The following PRKCB variants were observed in gnomAD, a reference collection of about 807,000 sequenced individuals.
PRKCB encodes the protein protein kinase C beta type.
PRKCB carries 13 observed loss-of-function variants against 81.5 expected under a neutral mutation model. The observed-to-expected ratio is 0.16, with a 90% CI of 0.10 to 0.25. The LOEUF (loss-of-function observed/expected upper bound fraction) is 0.25, where lower values mean the gene tolerates loss of function less well. Among genes scored for constraint, PRKCB ranks in the 10% least tolerant of loss-of-function variants. The pLI is 1.00. For missense variants in PRKCB, 509 were observed against 875.7 expected (o/e 0.58, Z 5.29); for synonymous variants, 335 against 321.4 (o/e 1.04, Z -0.45).
intron 2 of PRKCB, among the ~76,000 whole-genome samples, chr16:23,896,564 T>C (rs1963382642): frequency 1.3e-5 from 2 of 152,154 alleles, no homozygotes; most frequent in African/African-American, 4.8e-5. Context: ...TGTGAGTATC[T>C]ATTTAGCAAG....
rs1307973027 is a variant in PRKCB at position 24,181,056 on chromosome 16, T to C, written c.1533+128T>C. The C allele has an allele frequency of 9.1e-6, 11 of 1,208,712 alleles. No homozygotes were observed. In the East Asian group the frequency reaches 2.7e-4, roughly 30 times the overall value. 74.9% of individuals were successfully genotyped at this position (1,208,712 alleles called of 1,614,324 possible). On this transcript the variant is annotated intron_variant, in intron 13 of 16. Transcript: ENST00000643927. ...GAACCTCGGACAGATTCTTATTCTA[T>C]ACTCTAAATCCTCCCTTTGAGATCA...
At chr16:24,036,478 G>T (rs975046203) in intron 5 of PRKCB, among the ~76,000 whole-genome samples, 5 of 152,108 alleles carry the variant, frequency 3.3e-5, no homozygotes, top group African/African-American at 1.2e-4. Flanking sequence ...TTATGAGTTG[G>T]TAACTCAGGA....
chr16:23,876,630 A>G (rs1963018440), intron 2 of PRKCB, among the ~76,000 whole-genome samples: 2 of 151,546 alleles, frequency 1.3e-5, no homozygotes, highest in Non-Finnish European at 2.9e-5. Flanking sequence ...CTCTTTCTCC[A>G]GGATTCTTCT....
At chr16:24,086,724 C>T (rs576221948) in intron 5 of PRKCB, among the ~76,000 whole-genome samples, 65 of 152,286 alleles carry the variant, frequency 4.3e-4, no homozygotes, top group Non-Finnish European at 7.4e-4. Flanking sequence ...AAGCTAAAAT[C>T]TTTATTCACA....
chr16:24,138,695 T>A (rs894547277), intron 9 of PRKCB, among the ~76,000 whole-genome samples: 1 of 152,128 alleles, frequency 6.6e-6, no homozygotes, highest in Admixed American at 6.6e-5. Flanking sequence ...TTGCTAGTAC[T>A]TATTTATCTT....
intron 3 of PRKCB, among the ~76,000 whole-genome samples, chr16:24,021,042 C>CTTTCTTTCTT (rs1965367056): frequency 2.7e-5 from 2 of 74,342 alleles, no homozygotes; most frequent in African/African-American, 1.3e-4. Flanking sequence ...CTTTCTTTCT[C>CTTTCTTTCTT]TTTCTTTCTT....
chr16:24,202,862 TCTC>T (rs1401951578), intron 16 of PRKCB, among the ~76,000 whole-genome samples: 1 of 150,460 alleles, frequency 6.6e-6, no homozygotes, highest in African/African-American at 2.5e-5. Context: ...AAGCCCCTCT[TCTC>T]CTTCATTTTT....
At chr16:23,884,746 G>T (rs1454171775) in intron 2 of PRKCB, among the ~76,000 whole-genome samples, 2 of 152,050 alleles carry the variant, frequency 1.3e-5, no homozygotes, top group African/African-American at 4.8e-5. Context: ...TCACTGTGTT[G>T]CCCAGACTGG....
At chr16:23,911,105 A>G (rs1963643869) in intron 2 of PRKCB, among the ~76,000 whole-genome samples, 1 of 133,960 alleles carries the variant, frequency 7.5e-6, no homozygotes, top group South Asian at 2.3e-4. Flanking sequence ...TGGCTGTTAT[A>G]AATAGCCATA....
rs904439683 is a variant in PRKCB at position 24,042,094 on chromosome 16, G to T, written c.529+6547G>T. On this transcript the variant is annotated intron_variant, in intron 5 of 16. Transcript: ENST00000643927. ...TTTAACTTTTATTTGAACTTTGGTG[G>T]GGGGGTACGTGTGCAGGTTTGTTAT... Among the ~76,000 whole-genome samples, 7 of 152,130 alleles carry T rather than the reference G, an allele frequency of 4.6e-5. 1 individual carries two copies. The highest frequency in any genetic ancestry group is 1.3e-4 in the Admixed American group (2 of 15,268).
intron 10 of PRKCB, among the ~76,000 whole-genome samples, chr16:24,170,835 G>A (rs1017676859): frequency 2.0e-5 from 3 of 152,224 alleles, no homozygotes; most frequent in Non-Finnish European, 1.5e-5. Context: ...CCTGCTATGT[G>A]CTAGTTGTGC....
At chr16:24,084,490 A>G (rs965561840) in intron 5 of PRKCB, among the ~76,000 whole-genome samples, 2 of 152,176 alleles carry the variant, frequency 1.3e-5, no homozygotes, top group Non-Finnish European at 2.9e-5. Flanking sequence ...GCGGTTAAGA[A>G]AATGGATATA....
rs1225086183 is a variant in PRKCB, at chr16:23,981,671, T to TCTTCCCCTTCC, written c.206-6835_206-6825dup. Among the ~76,000 whole-genome samples the TCTTCCCCTTCC allele has an allele frequency of 9.7e-3, 840 of 86,690 alleles. 38 individuals are homozygous for TCTTCCCCTTCC. The highest frequency in any genetic ancestry group is 0.022 in the African/African-American group (416 of 19,190). The allele number at this position is 86,690 out of a possible 152,430, so 56.9% of individuals were successfully genotyped here. A position where few individuals can be genotyped will look rare whatever the true frequency, so the allele number is the denominator to read the frequency against. On this transcript the variant is annotated intron_variant, in intron 2 of 16. Transcript: ENST00000643927. Reference sequence around the variant, plus strand: ...TCCTTCCCTTCCTTTTTTCCCTTTCTCTTCCCCTTCCCCTTCCCTTCCCCT... The same window carrying TCTTCCCCTTCC: ...TCCTTCCCTTCCTTTTTTCCCTTTCTCTTCCCCTTCCCTTCCCCTTCCCCTTCCCTTCCCCT...
intron 2 of PRKCB, among the ~76,000 whole-genome samples, chr16:23,865,466 CATATATATATATATATATATATATAT>C (rs375074228): frequency 0.044 from 1,591 of 36,008 alleles, 68 homozygotes; most frequent in East Asian, 0.076. Context: ...CAATGCCCGG[CATATATATATATATATATATATATAT>C]ATATATATAT....
chr16:24,114,842 A>G (rs982549308), intron 8 of PRKCB, among the ~76,000 whole-genome samples: 1 of 151,332 alleles, frequency 6.6e-6, no homozygotes, highest in African/African-American at 2.5e-5. Context: ...TCATCAAATA[A>G]TGACACACAC....
chr16:23,918,178 A>G (rs556536847), intron 2 of PRKCB, among the ~76,000 whole-genome samples: 1 of 152,080 alleles, frequency 6.6e-6, no homozygotes, highest in African/African-American at 2.4e-5. Flanking sequence ...GATGGGAGGG[A>G]GCCAACAAAG....
intron 9 of PRKCB, among the ~76,000 whole-genome samples, chr16:24,138,845 C>CTTTTTTTTTTTTTT (rs991952336): frequency 1.3e-5 from 1 of 78,848 alleles, no homozygotes; most frequent in Non-Finnish European, 2.3e-5. Context: ...CAGTATTTGT[C>CTTTTTTTTTTTTTT]TTTTTTTTTT....
At chr16:23,890,378 G>T (rs1318525312) in intron 2 of PRKCB, among the ~76,000 whole-genome samples, 1 of 152,144 alleles carries the variant, frequency 6.6e-6, no homozygotes, top group Admixed American at 6.5e-5. Context: ...TCTTGTAGGG[G>T]CCTTTAATCT....
At chr16:24,019,972 T>C (rs1382344989) in intron 3 of PRKCB, among the ~76,000 whole-genome samples, 2 of 152,160 alleles carry the variant, frequency 1.3e-5, no homozygotes, top group Non-Finnish European at 2.9e-5. Context: ...TTACTTCCTA[T>C]GTATGCAGGT....
Sources: allele counts gnomAD v4.1 joint callset (sites outside exome capture counted in the v4.1 genomes callset), GRCh38; gene constraint gnomAD v4.1.1; transcripts MANE v1.5; gene names NCBI Gene and HGNC (gene_info 2026-07-23, HGNC 2026-07-21).